Variants in C6orf141 observed in about 807,000 individuals in gnomAD.
C6orf141 encodes the protein uncharacterized protein C6orf141.
For missense variants in C6orf141, 361 were observed against 335.8 expected (o/e 1.07, Z -0.59); for synonymous variants, 164 against 140.5 (o/e 1.17, Z -1.18).
At chr6:49,557,775 C>G (rs1034304019) in intron 4 of C6orf141, among the ~76,000 whole-genome samples, 4 of 152,190 alleles carry the variant, frequency 2.6e-5, no homozygotes, top group Non-Finnish European at 5.9e-5. Flanking sequence ...TGACCAATGT[C>G]CCTTTTAACA....
downstream of C6orf141, among the ~76,000 whole-genome samples, chr6:49,556,138 C>T (rs1240984281): frequency 6.6e-6 from 1 of 152,184 alleles, no homozygotes; most frequent in Non-Finnish European, 1.5e-5. Flanking sequence ...AGGCCCCATT[C>T]CAGATCTGTT....
At position 49,550,940 on chromosome 6, in the gene C6orf141, G is replaced by C; in HGVS notation, c.148G>C (p.Ala50Pro). The C allele has an allele frequency of 6.5e-7, 1 of 1,545,114 alleles. No homozygotes were observed. The highest frequency in any genetic ancestry group is 8.7e-7 in the Non-Finnish European group (1 of 1,145,052). Residue 50 changes from alanine (A) to proline (P), a missense_variant, in exon 1 of 1, where the codon GCG becomes CCG. Ala to Pro is a conservative substitution (Grantham distance 27). Coordinates refer to ENST00000529246, the MANE Select transcript of C6orf141 (RefSeq NM_001145652.2). ...APLAPGARNPATAGASRSQGG... is the reference protein window; with the variant it reads ...APLAPGARNPPTAGASRSQGG... ...GCTAGCTCCGGGCGCCCGGAATCCCGCGACGGCAGGGGCGAGCCGAAGCCA... is the reference window on the plus strand; with the variant it reads ...GCTAGCTCCGGGCGCCCGGAATCCCCCGACGGCAGGGGCGAGCCGAAGCCA...
chr6:49,551,324 A>G lies in C6orf141; in HGVS notation c.532A>G (p.Lys178Glu). The change falls in exon 1 of 1, where the codon AAG becomes GAG. Residue 178 changes from lysine to glutamate, a missense_variant. Coordinates refer to ENST00000529246, the MANE Select transcript of C6orf141 (RefSeq NM_001145652.2). ...AGAAGTGTTGCAGACCTCCTGGGCC[A>G]AGGGTCGCATGACCACGAGGACTGA... ...TQEVLQTSWA[K>E]GRMTTRTEEH... 6.4e-7 allele frequency: 1 copy of G among 1,551,692 alleles called. No homozygotes were observed. Among genetic ancestry groups the G allele is most frequent in the Non-Finnish European group, 8.7e-7 (1 of 1,146,980 alleles).
downstream of C6orf141, chr6:49,553,349 C>T (rs554910660): frequency 1.1e-4 from 16 of 152,360 alleles, no homozygotes; most frequent in Non-Finnish European, 1.8e-4. Flanking sequence ...GCCTGTGAGA[C>T]CCTCACTTGG....
downstream of C6orf141, among the ~76,000 whole-genome samples, chr6:49,554,444 G>C (rs936409659): frequency 2.6e-5 from 4 of 152,078 alleles, no homozygotes; most frequent in Non-Finnish European, 5.9e-5. Context: ...GCAGTGGCAC[G>C]ATCTCTGCTC....
At position 49,551,248 on chromosome 6, in the gene C6orf141, A is replaced by C. The variant is rs1483469545; in HGVS notation, c.456A>C (p.Ala152=). 1 of 1,551,680 alleles carries C rather than the reference A, an allele frequency of 6.4e-7. No homozygotes were observed. The highest frequency in any genetic ancestry group is 8.7e-7 in the Non-Finnish European group (1 of 1,146,974). The change falls in exon 1 of 1, where the codon GCA becomes GCC. Residue 152 remains alanine, a synonymous_variant. Transcript: ENST00000529246. ...GTGTAGCCCCGCCGCGGGACGCAGC[A>C]GACCCACCCAAATACGTGCTTGTGC... The part of the protein sequence containing the change: ...GRRVAPPRDA[A]DPPKYVLVRV...
At position 49,551,649 on chromosome 6, in the gene C6orf141, G is replaced by T; in HGVS notation, c.*122G>T. The T allele has an allele frequency of 2.0e-6, 3 of 1,478,116 alleles. No homozygotes were observed. The highest frequency in any genetic ancestry group is 2.7e-6 in the Non-Finnish European group (3 of 1,118,264). 91.6% of individuals were successfully genotyped at this position (1,478,116 alleles called of 1,614,324 possible). ...AGGAACCTTTTGAGAGGCTGGTGCA[G>T]CGCTTCGGGGAGGCAGATTAAGAAC... On this transcript the variant is annotated 3_prime_UTR_variant, in exon 1 of 1. Coordinates refer to ENST00000529246, the MANE Select transcript of C6orf141 (RefSeq NM_001145652.2).
chr6:49,551,007 G>A lies in C6orf141; in HGVS notation c.215G>A (p.Gly72Glu). The change falls in exon 1 of 1, where the codon GGA (glycine) becomes GAA (glutamate). Residue 72 changes from glycine to glutamate, a missense_variant. Physicochemically the swap from Gly to Glu is moderately conservative, Grantham distance 98. Transcript: ENST00000529246. ...GACAGAACGGCAGATCGGGCCCTCG[G>A]ACCTCGGGCCGGGGAGGAATTGGAC... ...HEDRTADRAL[G>E]PRAGEELDRE... is the part of the protein sequence containing the mutation. 1 of 1,551,366 alleles carries A rather than the reference G, an allele frequency of 6.4e-7. No homozygotes were observed. The highest frequency in any genetic ancestry group is 2.0e-5 in the Admixed American group (1 of 50,966).
At chr6:49,556,075 G>A (rs1771878909), downstream of C6orf141, among the ~76,000 whole-genome samples, 1 of 152,194 alleles carries the variant, frequency 6.6e-6, no homozygotes, top group Non-Finnish European at 1.5e-5. Flanking sequence ...TGGGCGTTCT[G>A]TGAAACGGCA....
downstream of C6orf141, chr6:49,552,213 T>C (rs1770814349): frequency 6.6e-6 from 1 of 152,514 alleles, no homozygotes; most frequent in Admixed American, 6.5e-5. Context: ...TTAATTTTAA[T>C]ATTAAAAATA....
At chr6:49,561,422 C>T (rs1773304783) in intron 4 of C6orf141, among the ~76,000 whole-genome samples, 2 of 152,136 alleles carry the variant, frequency 1.3e-5, no homozygotes, top group South Asian at 4.1e-4. Flanking sequence ...TTAGAGCTCG[C>T]TTTGAGTGTA....
At chr6:49,559,159 A>G (rs767590957) in intron 4 of C6orf141, among the ~76,000 whole-genome samples, 9 of 86,606 alleles carry the variant, frequency 1.0e-4, no homozygotes, top group African/African-American at 4.0e-4. Context: ...TGATCTGGTC[A>G]TTGTCCATAT....
chr6:49,552,940 CT>C, downstream of C6orf141: 2 of 151,964 alleles, frequency 1.3e-5, no homozygotes, highest in Non-Finnish European at 2.9e-5. Context: ...CTATTTTTTT[CT>C]TTTTTTTGAG....
chr6:49,550,704 C>T lies in C6orf141; in HGVS notation c.-89C>T, dbSNP rs944260230. 7.7e-6 allele frequency: 9 copies of T among 1,172,916 alleles called. No homozygotes were observed. The highest frequency in any genetic ancestry group is 4.8e-5 in the African/African-American group (3 of 62,538). The allele number at this position is 1,172,916 out of a possible 1,614,324, so 72.7% of individuals were successfully genotyped here. ...TTCACCGGCTGGGAGTCCGGAGCTG[C>T]AGCAGAGGCCACACCCAGGGCTTGG... is the stretch of plus-strand genomic sequence containing the variant. On this transcript the variant is annotated 5_prime_UTR_variant, in exon 1 of 1. Transcript: ENST00000529246.
chr6:49,555,478 T>C (rs1004748481), downstream of C6orf141, among the ~76,000 whole-genome samples: 1 of 151,014 alleles, frequency 6.6e-6, no homozygotes, highest in Non-Finnish European at 1.5e-5. Flanking sequence ...TTTTGTTTTA[T>C]AGAGACAGCA....
At chr6:49,555,601 C>T (rs1240425378), downstream of C6orf141, among the ~76,000 whole-genome samples, 3 of 150,754 alleles carry the variant, frequency 2.0e-5, no homozygotes, top group African/African-American at 2.4e-5. Flanking sequence ...CTCTGCCTCC[C>T]GGGTTCATGC....
Position 49,551,829 on chromosome 6 carries a change from ACT to A in C6orf141, c.*306_*307del, listed in dbSNP as rs1337129311. 1 of 1,230,992 alleles carries A rather than the reference ACT, an allele frequency of 8.1e-7. No individual in the cohort carries two copies. Among genetic ancestry groups the A allele is most frequent in the African/African-American group, 1.6e-5 (1 of 63,714 alleles). The allele number at this position is 1,230,992 out of a possible 1,614,324, so 76.3% of individuals were successfully genotyped here. ...TGTTGTTAATTTGCATTTTGGAATA[ACT>A]CTCAATTGATCTCTTTTCTGTTCCC... is the stretch of plus-strand genomic sequence containing the variant. On this transcript the variant is annotated 3_prime_UTR_variant, in exon 1 of 1. Transcript: ENST00000529246.
downstream of C6orf141, among the ~76,000 whole-genome samples, chr6:49,554,488 C>T (rs1188033327): frequency 6.6e-6 from 1 of 152,226 alleles, no homozygotes; most frequent in Admixed American, 6.5e-5. Context: ...TCACACCATT[C>T]TCCTGCCTCA....
At chr6:49,555,804 C>G (rs940246054), downstream of C6orf141, among the ~76,000 whole-genome samples, 2 of 152,142 alleles carry the variant, frequency 1.3e-5, no homozygotes, top group Non-Finnish European at 2.9e-5. Flanking sequence ...CACCGCGCAC[C>G]TGGCGTGCCC....
Sources: allele counts gnomAD v4.1 joint callset (sites outside exome capture counted in the v4.1 genomes callset), GRCh38; gene constraint gnomAD v4.1.1; transcripts MANE v1.5; gene names NCBI Gene and HGNC (gene_info 2026-07-23, HGNC 2026-07-21).